ONECUT2: variants seen among roughly 807,000 people sequenced by gnomAD.
The protein encoded by ONECUT2 is one cut homeobox 2.
Under a neutral mutation model 27.9 loss-of-function variants are expected in ONECUT2, and 10 were observed. That is an observed-to-expected ratio of 0.36 (90% CI 0.22 to 0.61). ONECUT2 has a LOEUF of 0.61. Among genes scored for constraint, ONECUT2 ranks in the 20% least tolerant of loss-of-function variants. The pLI is 0.73. For missense variants in ONECUT2, 686 were observed against 721.0 expected, an observed-to-expected ratio of 0.95 and a Z score of 0.56; for synonymous variants, 334 against 315.1, an observed-to-expected ratio of 1.06 and a Z score of -0.64.
At chr18:57,461,981 T>A (rs1233262262) in intron 1 of ONECUT2, among the ~76,000 whole-genome samples, 1 of 152,218 alleles carries the variant, frequency 6.6e-6, no homozygotes, top group Non-Finnish European at 1.5e-5. Context: ...ACATATATAT[T>A]CAACCATTGC....
Position 57,489,330 on chromosome 18 carries a change from A to T in ONECUT2, c.*12607A>T, listed in dbSNP as rs904285085. 5 of 152,152 alleles carry T rather than the reference A, an allele frequency of 3.3e-5. No homozygotes were observed. Among genetic ancestry groups the T allele is most frequent in the African/African-American group, 4.8e-5 (2 of 41,434 alleles). 9.4% of individuals were successfully genotyped at this position (152,152 alleles called of 1,614,324 possible). On this transcript the variant is annotated 3_prime_UTR_variant, in exon 2 of 2. Coordinates refer to ENST00000491143, the MANE Select transcript of ONECUT2 (RefSeq NM_004852.3). ...TATTTTAGCAATTCTCAATTCTTTG[A>T]TCTGGAAAAATACAAGAGGGAAAAG...
chr18:57,435,685 G>A lies in ONECUT2; in HGVS notation c.-32G>A, dbSNP rs1224758450. The A allele has an allele frequency of 2.5e-6, 1 of 406,690 alleles. No individual in the cohort carries two copies. Among genetic ancestry groups the A allele is most frequent in the Non-Finnish European group, 3.6e-6 (1 of 278,566 alleles). 25.2% of individuals were successfully genotyped at this position (406,690 alleles called of 1,614,324 possible). A position where few individuals can be genotyped will look rare whatever the true frequency, so the allele number is the denominator to read the frequency against. On this transcript the variant is annotated 5_prime_UTR_variant, in exon 1 of 2. Transcript: ENST00000491143. The stretch of plus-strand genomic sequence containing the variant: ...TGCCCGCCCGCCGGCCGCCCCCGCC[G>A]CCCCCGCCGCCCCCGGGCCCTGATG...
At chr18:57,470,962 G>A (rs914609602) in intron 1 of ONECUT2, among the ~76,000 whole-genome samples, 5 of 152,176 alleles carry the variant, frequency 3.3e-5, no homozygotes, top group East Asian at 3.9e-4. Flanking sequence ...GAAAACGCAC[G>A]ATGCGTGACA....
intron 1 of ONECUT2, among the ~76,000 whole-genome samples, chr18:57,448,247 G>A (rs1205449052): frequency 1.3e-5 from 2 of 148,652 alleles, no homozygotes; most frequent in Admixed American, 6.6e-5. Flanking sequence ...TTGCTAAGGT[G>A]GTTCTCAGGG....
At chr18:57,472,645 C>A (rs12969868) in intron 1 of ONECUT2, among the ~76,000 whole-genome samples, 1 of 152,014 alleles carries the variant, frequency 6.6e-6, no homozygotes, top group Non-Finnish European at 1.5e-5. Flanking sequence ...GATCTGTTCT[C>A]TCTGTGCAGT....
chr18:57,470,405 G>A (rs902873500), intron 1 of ONECUT2, among the ~76,000 whole-genome samples: 23 of 152,164 alleles, frequency 1.5e-4, no homozygotes, highest in African/African-American at 5.3e-4. Flanking sequence ...CTAAACAAAC[G>A]TGTTTCCTTC....
rs1185603839 is a variant in ONECUT2 at position 57,488,449 on chromosome 18, C to A, written c.*11726C>A. 1 of 152,584 alleles carries A rather than the reference C, an allele frequency of 6.6e-6. No homozygotes were observed. The highest frequency in any genetic ancestry group is 1.5e-5 in the Non-Finnish European group (1 of 68,032). The allele number at this position is 152,584 out of a possible 1,614,324, so 9.5% of individuals were successfully genotyped here. ...AAAGAAAGTAGAGGAGTATTTGAGA[C>A]ATGAGTGTACCCAGCCCTTTTTTTA... On this transcript the variant is annotated 3_prime_UTR_variant, in exon 2 of 2. Transcript: ENST00000491143.
Position 57,486,068 on chromosome 18 carries a change from A to G in ONECUT2, c.*9345A>G, listed in dbSNP as rs896865153. The G allele has an allele frequency of 1.3e-5, 2 of 152,646 alleles. No individual in the cohort carries two copies. Among genetic ancestry groups the G allele is most frequent in the African/African-American group, 2.4e-5 (1 of 41,408 alleles). 9.5% of individuals were successfully genotyped at this position (152,646 alleles called of 1,614,324 possible). ...CCTTCCCCATCTTTCCTACTGCCAC[A>G]CCCATACGAGAGAGGATCTAGAAAG... On this transcript the variant is annotated 3_prime_UTR_variant, in exon 2 of 2. Coordinates refer to ENST00000491143, the MANE Select transcript of ONECUT2 (RefSeq NM_004852.3).
chr18:57,466,494 T>A lies in ONECUT2; in HGVS notation c.1229-9943T>A, dbSNP rs556947464. 5.3e-5 allele frequency among the ~76,000 whole-genome samples: 8 copies of A among 152,368 alleles called. No homozygotes were observed. In the South Asian group the frequency reaches 1.7e-3, roughly 32 times the overall value. ...AGATGTTTGTATCTGGAATTAAATATTTGTTTTAGCAACTCACGACTTCCT... is the reference window on the plus strand; with the variant it reads ...AGATGTTTGTATCTGGAATTAAATAATTGTTTTAGCAACTCACGACTTCCT... On this transcript the variant is annotated intron_variant, in intron 1 of 1. Coordinates refer to ENST00000491143, the MANE Select transcript of ONECUT2 (RefSeq NM_004852.3).
chr18:57,437,264 T>G (rs1369197449), intron 1 of ONECUT2, among the ~76,000 whole-genome samples: 1 of 150,472 alleles, frequency 6.6e-6, no homozygotes, highest in Non-Finnish European at 1.5e-5. Flanking sequence ...TCCCAGGTAC[T>G]GGGAGGCGGG....
At chr18:57,445,024 T>C (rs562264662) in intron 1 of ONECUT2, among the ~76,000 whole-genome samples, 2 of 151,222 alleles carry the variant, frequency 1.3e-5, no homozygotes, top group African/African-American at 4.9e-5. Context: ...ATTTGGCATC[T>C]TTTTTTTTAT....
chr18:57,437,662 G>A (rs3786486), intron 1 of ONECUT2, among the ~76,000 whole-genome samples: 1 of 152,188 alleles, frequency 6.6e-6, no homozygotes, highest in Non-Finnish European at 1.5e-5. Flanking sequence ...GCGAGGGCAG[G>A]GTGTAAGGTT....
rs1598934629 is a variant in ONECUT2 at position 57,452,238 on chromosome 18, G to A, written c.1228+15294G>A. On this transcript the variant is annotated intron_variant, in intron 1 of 1. Transcript: ENST00000491143. ...TCTCGACTAGATCATAGCAAGCAGG[G>A]ACCCTGAGCTTTGTTCTCCTGCATC... Among the ~76,000 whole-genome samples, 3 of 152,076 alleles carry A rather than the reference G, an allele frequency of 2.0e-5. No individual in the cohort carries two copies. The East Asian group carries it at 5.8e-4, about 29-fold the overall frequency.
intron 1 of ONECUT2, among the ~76,000 whole-genome samples, chr18:57,462,921 G>A (rs1319211260): frequency 6.6e-6 from 1 of 151,684 alleles, no homozygotes; most frequent in African/African-American, 2.4e-5. Flanking sequence ...TAGTAGACAC[G>A]GAGTTTTACC....
chr18:57,475,341 C>G (rs2050376389), intron 1 of ONECUT2, among the ~76,000 whole-genome samples: 2 of 152,122 alleles, frequency 1.3e-5, no homozygotes, highest in South Asian at 4.1e-4. Flanking sequence ...CAGGTGTGAG[C>G]CACTGCACCT....
In ONECUT2 at chr18:57,489,905, T is replaced by C. The variant is rs1188010098; in HGVS notation, c.*13182T>C. On this transcript the variant is annotated 3_prime_UTR_variant, in exon 2 of 2. Coordinates refer to ENST00000491143, the MANE Select transcript of ONECUT2 (RefSeq NM_004852.3). ...AGTTTAGATGCAGGGACTGAGATGA[T>C]ACAGGCAAAATCTTGGTGTTGGTTT... 1.3e-5 allele frequency: 2 copies of C among 152,206 alleles called. No individual in the cohort carries two copies. Among genetic ancestry groups the C allele is most frequent in the Non-Finnish European group, 2.9e-5 (2 of 68,036 alleles). The allele number at this position is 152,206 out of a possible 1,614,324, so 9.4% of individuals were successfully genotyped here.
Position 57,435,815 on chromosome 18 carries a change from C to T in ONECUT2, c.99C>T (p.His33=), listed in dbSNP as rs772182785. 7.1e-6 allele frequency: 8 copies of T among 1,123,494 alleles called. No individual in the cohort carries two copies. Among genetic ancestry groups the T allele is most frequent in the East Asian group, 7.5e-5 (1 of 13,340 alleles). 69.6% of individuals were successfully genotyped at this position (1,123,494 alleles called of 1,614,324 possible). A position where few individuals can be genotyped will look rare whatever the true frequency, so the allele number is the denominator to read the frequency against. Residue 33 remains histidine, a synonymous_variant, in exon 1 of 2, where the codon CAC becomes CAT. Transcript: ENST00000491143. ...ELTMESLGTL[H]GPAGGGSGGG... is the part of the protein sequence containing the mutation. ...CAATGGAAAGTCTGGGCACTTTGCA[C>T]GGGCCGGCCGGCGGCGGCAGTGGCG...
At chr18:57,466,611 G>A (rs1217868138) in intron 1 of ONECUT2, among the ~76,000 whole-genome samples, 1 of 152,238 alleles carries the variant, frequency 6.6e-6, no homozygotes, top group Non-Finnish European at 1.5e-5. Flanking sequence ...TGGGAATTGT[G>A]ATTTCAAAGG....
intron 1 of ONECUT2, among the ~76,000 whole-genome samples, chr18:57,468,387 G>T (rs1356743059): frequency 6.6e-6 from 1 of 152,194 alleles, no homozygotes; most frequent in Non-Finnish European, 1.5e-5. Flanking sequence ...GTGGTTGGGG[G>T]CGGAGGGCAG....
Sources: allele counts gnomAD v4.1 joint callset (sites outside exome capture counted in the v4.1 genomes callset), GRCh38; gene constraint gnomAD v4.1.1; transcripts MANE v1.5; gene names NCBI Gene and HGNC (gene_info 2026-07-23, HGNC 2026-07-21).